Variants in RPTOR observed in about 807,000 individuals in gnomAD.
RPTOR encodes the protein regulatory associated protein of MTOR complex 1, also known as regulatory-associated protein of mTOR.
RPTOR carries 21 observed loss-of-function variants against 169.9 expected under a neutral mutation model. The ratio of observed to expected loss-of-function variants is 0.12; its 90% CI spans 0.09 to 0.18. The LOEUF (loss-of-function observed/expected upper bound fraction) is 0.18. Ranked by LOEUF, RPTOR falls within the 10% of genes least tolerant of loss-of-function variation. The pLI is 1.00. For synonymous variants in RPTOR, 732 were observed against 753.2 expected (o/e 0.97, Z 0.46); for missense variants, 1,133 against 1,855.9 (o/e 0.61, Z 7.16).
Position 80,707,879 on chromosome 17 carries a change from A to C in RPTOR, c.387A>C (p.Glu129Asp), listed in dbSNP as rs894606341. The C allele has an allele frequency of 3.1e-6, 5 of 1,613,990 alleles. No individual in the cohort carries two copies. In the African/African-American group the frequency reaches 5.3e-5, roughly 17 times the overall value. The change falls in exon 4 of 34, where the codon GAA becomes GAC. Residue 129 changes from glutamate to aspartate, a missense_variant. Transcript: ENST00000306801. This position sits in a 1 kb window ranked among gnomAD's most constrained non-coding sequence, Gnocchi z 5.0. Reference sequence around the variant, plus strand: ...AGAGCCTTGACCCAACTGTGGATGAAGTCAAGAAGCTCTGCACGTCCTTAC... The same window carrying C: ...AGAGCCTTGACCCAACTGTGGATGACGTCAAGAAGCTCTGCACGTCCTTAC... The part of the protein sequence containing the change: ...YKQSLDPTVD[E>D]VKKLCTSLRR...
In RPTOR at chr17:80,609,805, GTGT is replaced by G. The variant is rs977910942; in HGVS notation, c.163-15884_163-15882del. ...TGTGTGTGTGTGTGTGTGTGTGTGT[GTGT>G]TAAGAGAGCCATTGTAGGCTACATG... On this transcript the variant is annotated intron_variant, in intron 1 of 33. Coordinates refer to ENST00000306801, the MANE Select transcript of RPTOR (RefSeq NM_020761.3). The surrounding 1 kb of genome is among the most constrained non-coding windows in gnomAD (Gnocchi z 4.8). Among the ~76,000 whole-genome samples, 2 of 149,916 alleles carry G rather than the reference GTGT, an allele frequency of 1.3e-5. No homozygotes were observed. Among genetic ancestry groups the G allele is most frequent in the Non-Finnish European group, 3.0e-5 (2 of 67,170 alleles).
chr17:80,780,004 C>T (rs1013108639), intron 6 of RPTOR, among the ~76,000 whole-genome samples: 8 of 152,118 alleles, frequency 5.3e-5, no homozygotes, highest in Admixed American at 3.3e-4. Context: ...GCTGTTGCGG[C>T]TCTCATCTGC....
At chr17:80,887,203 G>A (rs1360382751) in intron 17 of RPTOR, among the ~76,000 whole-genome samples, 1 of 151,732 alleles carries the variant, frequency 6.6e-6, no homozygotes, top group African/African-American at 2.4e-5. Flanking sequence ...GAGGTGCGCT[G>A]GCTCTGAGGG....
chr17:80,885,600 GT>G (rs1287711285), intron 17 of RPTOR, among the ~76,000 whole-genome samples: 5 of 152,112 alleles, frequency 3.3e-5, no homozygotes, highest in Non-Finnish European at 7.4e-5. Flanking sequence ...CTGGAGTGCA[GT>G]GGCGTGATCT....
At position 80,870,751 on chromosome 17, in the gene RPTOR, AT is replaced by A. The variant is rs534770507; in HGVS notation, c.1510-9657del. ...TATAGTTTCTATCTTAACAAATTTTATTTTTTTAGAACAGTTTTAGATTTAC... is the reference window on the plus strand; with the variant it reads ...TATAGTTTCTATCTTAACAAATTTTATTTTTTAGAACAGTTTTAGATTTAC... On this transcript the variant is annotated intron_variant, in intron 13 of 33. Coordinates refer to ENST00000306801, the MANE Select transcript of RPTOR (RefSeq NM_020761.3). Among the ~76,000 whole-genome samples the A allele has an allele frequency of 2.5e-3, 384 of 152,238 alleles. 1 individual carries two copies. The highest frequency in any genetic ancestry group is 8.9e-3 in the African/African-American group (368 of 41,538).
intron 7 of RPTOR, among the ~76,000 whole-genome samples, chr17:80,808,174 C>T (rs2067238573): frequency 6.6e-6 from 1 of 151,810 alleles, no homozygotes; most frequent in Non-Finnish European, 1.5e-5. Context: ...CCTGTAATCT[C>T]AACACTTTGG....
intron 13 of RPTOR, among the ~76,000 whole-genome samples, chr17:80,872,961 GTCAGCC>G (rs1188917983): frequency 6.6e-6 from 1 of 152,226 alleles, no homozygotes; most frequent in Non-Finnish European, 1.5e-5. Flanking sequence ...GGGGAGCCTG[GTCAGCC>G]TAGAGCGGGC....
intron 10 of RPTOR, among the ~76,000 whole-genome samples, chr17:80,842,019 A>C (rs78651547): frequency 2.1e-4 from 24 of 112,368 alleles, no homozygotes; most frequent in Non-Finnish European, 3.2e-4. Flanking sequence ...CACTCTCACC[A>C]CACGGCAGCT....
chr17:80,590,757 G>C (rs1439872858), intron 1 of RPTOR, among the ~76,000 whole-genome samples: 1 of 152,228 alleles, frequency 6.6e-6, no homozygotes, highest in African/African-American at 2.4e-5. Flanking sequence ...TTTAAAGTAA[G>C]TGACCTGTAA....
chr17:80,914,723 G>C (rs1224178510), intron 21 of RPTOR, among the ~76,000 whole-genome samples: 1 of 152,254 alleles, frequency 6.6e-6, no homozygotes, highest in Non-Finnish European at 1.5e-5. Context: ...ACGAGCATGG[G>C]AGGGAGGCTG....
At chr17:80,711,650 C>T (rs762075504) in intron 4 of RPTOR, among the ~76,000 whole-genome samples, 2 of 151,358 alleles carry the variant, frequency 1.3e-5, no homozygotes, top group African/African-American at 4.9e-5. Flanking sequence ...GTTCCTCTTG[C>T]CTTTCATGTT....
intron 3 of RPTOR, among the ~76,000 whole-genome samples, chr17:80,670,188 G>A (rs2065811105): frequency 6.6e-6 from 1 of 152,202 alleles, no homozygotes; most frequent in Non-Finnish European, 1.5e-5. Context: ...TTGACCTTAA[G>A]CCAGTTTCTT....
intron 5 of RPTOR, among the ~76,000 whole-genome samples, chr17:80,739,782 A>G (rs2143247595): frequency 6.6e-6 from 1 of 152,354 alleles, no homozygotes; most frequent in South Asian, 2.1e-4. Context: ...ATCTGTATTT[A>G]TAGGATGCAG....
chr17:80,694,435 A>G (rs9889315), intron 3 of RPTOR, among the ~76,000 whole-genome samples: 40,523 of 152,194 alleles, frequency 0.27, 7,452 homozygotes, highest in African/African-American at 0.53. Flanking sequence ...CAGTCGCACA[A>G]TCTCTCAGTG....
chr17:80,776,385 G>A (rs868287873), intron 6 of RPTOR, among the ~76,000 whole-genome samples: 11 of 147,222 alleles, frequency 7.5e-5, no homozygotes, highest in African/African-American at 2.0e-4. Context: ...GTGCAGTGGC[G>A]TGATCTCGGC....
chr17:80,693,709 T>C (rs1281988362), intron 3 of RPTOR, among the ~76,000 whole-genome samples: 1 of 152,234 alleles, frequency 6.6e-6, no homozygotes, highest in Non-Finnish European at 1.5e-5. Flanking sequence ...CCCTGGGTGC[T>C]GTAGGGTCAG....
intron 7 of RPTOR, among the ~76,000 whole-genome samples, chr17:80,800,079 C>T (rs113753064): frequency 0.031 from 4,758 of 152,294 alleles, 94 homozygotes; most frequent in Non-Finnish European, 0.048. Context: ...CTCAGGACCC[C>T]GCTGTCTGGG....
At chr17:80,821,157 G>A (rs1273921041) in intron 7 of RPTOR, among the ~76,000 whole-genome samples, 1 of 152,236 alleles carries the variant, frequency 6.6e-6, no homozygotes, top group Non-Finnish European at 1.5e-5. Flanking sequence ...GATGGCTCAT[G>A]CCTGTAATCC....
rs954729914 is a variant in RPTOR, at chr17:80,707,996, C to T, written c.504C>T (p.Asn168=). The T allele has an allele frequency of 6.2e-7, 1 of 1,611,836 alleles. No individual in the cohort carries two copies. The highest frequency in any genetic ancestry group is 1.3e-5 in the African/African-American group (1 of 74,998). Residue 168 remains asparagine, a synonymous_variant, in exon 4 of 34, where the codon AAC becomes AAT. Coordinates refer to ENST00000306801, the MANE Select transcript of RPTOR (RefSeq NM_020761.3). The surrounding 1 kb of genome is among the most constrained non-coding windows in gnomAD (Gnocchi z 5.0). ...TCAACGGGGAGGTCTGGGTCTTCAA[C>T]AAGGTGGGTGTGCCTTCCAGCTTCC... is the stretch of plus-strand genomic sequence containing the variant. ...PTVNGEVWVF[N]KNYTQYIPLS...
Sources: allele counts gnomAD v4.1 joint callset (sites outside exome capture counted in the v4.1 genomes callset), GRCh38; gene constraint gnomAD v4.1.1; non-coding constraint Gnocchi (gnomAD v3.1); transcripts MANE v1.5; gene names NCBI Gene and HGNC (gene_info 2026-07-23, HGNC 2026-07-21).